Variants in SEC23IP observed in about 807,000 individuals in gnomAD.
SEC23IP encodes SEC23 interacting protein.
In SEC23IP, 70 loss-of-function variants were observed where a neutral mutation model predicts 113.4. That is an observed-to-expected ratio of 0.62 (90% CI 0.51 to 0.75). The LOEUF is 0.75. Among genes scored for constraint, SEC23IP ranks in the 30% least tolerant of loss-of-function variants. The pLI is 0.00. For synonymous variants in SEC23IP, 398 were observed against 421.0 expected (o/e 0.95, Z 0.67); for missense variants, 1,160 against 1,204.9 (o/e 0.96, Z 0.55).
intron 2 of SEC23IP, among the ~76,000 whole-genome samples, chr10:119,901,441 G>C (rs1012284687): frequency 2.0e-5 from 3 of 151,880 alleles, no homozygotes; most frequent in Non-Finnish European, 2.9e-5. Flanking sequence ...GTTTCTGTTA[G>C]ACATTTTGAT....
rs1855130202 is a variant in SEC23IP, at chr10:119,918,520, G to A, written c.1872+9G>A. 3 of 1,488,090 alleles carry A rather than the reference G, an allele frequency of 2.0e-6. No individual in the cohort carries two copies. The highest frequency in any genetic ancestry group is 2.8e-6 in the Non-Finnish European group (3 of 1,066,682). 92.2% of individuals were successfully genotyped at this position (1,488,090 alleles called of 1,614,324 possible). On this transcript the variant is annotated intron_variant, in intron 10 of 18. Transcript: ENST00000369075. ...ATTTTCAGGAAAAGCAGGTACGTCT[G>A]TACGTGGCCAATTAACATTTCGATT...
At chr10:119,906,533 A>G (rs1033737068) in intron 4 of SEC23IP, among the ~76,000 whole-genome samples, 3 of 151,926 alleles carry the variant, frequency 2.0e-5, no homozygotes, top group Non-Finnish European at 4.4e-5. Context: ...GATAATACTT[A>G]CTATAAAGCT....
chr10:119,919,636 T>C, intron 11 of SEC23IP, 40 bp downstream of exon 11: 1 of 1,494,758 alleles, frequency 6.7e-7, no homozygotes, highest in Non-Finnish European at 9.0e-7. Flanking sequence ...TGAAATTGTT[T>C]TTCTTGTGTA....
intron 6 of SEC23IP, 130 bp from the exon 7 acceptor site, chr10:119,914,600 A>C: frequency 1.4e-6 from 1 of 735,308 alleles, no homozygotes; most frequent in Non-Finnish European, 2.4e-6. Context: ...AATGAGGCTT[A>C]TTCTCTTTGA....
In SEC23IP at chr10:119,914,765, G is replaced by GT; in HGVS notation, c.1349dup (p.His451AlafsTer8). 1 of 1,614,128 alleles carries GT rather than the reference G, an allele frequency of 6.2e-7. No homozygotes were observed. Among genetic ancestry groups the GT allele is most frequent in the Non-Finnish European group, 8.5e-7 (1 of 1,180,008 alleles). The stretch of plus-strand genomic sequence containing the variant: ...TCAAGTTGACCATTTGGTGTTTGTG[G>GT]TGCATGGCATTGGACCTGTGTGTGA... On this transcript the variant is annotated frameshift_variant, in exon 7 of 19. Coordinates refer to ENST00000369075, the MANE Select transcript of SEC23IP (RefSeq NM_007190.4). LOFTEE classifies it high-confidence loss of function.
At chr10:119,922,856 G>A (rs1855292165) in intron 12 of SEC23IP, among the ~76,000 whole-genome samples, 1 of 152,102 alleles carries the variant, frequency 6.6e-6, no homozygotes. Flanking sequence ...CCTGTGAGTA[G>A]ATCCCCAGGC....
In SEC23IP at chr10:119,941,240, C is replaced by G. The variant is rs1348783662; in HGVS notation, c.*675C>G. The G allele has an allele frequency of 6.6e-6, 1 of 152,182 alleles. No homozygotes were observed. Among genetic ancestry groups the G allele is most frequent in the Non-Finnish European group, 1.5e-5 (1 of 68,026 alleles). The allele number at this position is 152,182 out of a possible 1,614,324, so 9.4% of individuals were successfully genotyped here. ...TATTTTCAAGAAGTCCTGGGAAGCG[C>G]TCTCCTAGCACGTCCATTTCCAGGA... On this transcript the variant is annotated 3_prime_UTR_variant, in exon 19 of 19. Coordinates refer to ENST00000369075, the MANE Select transcript of SEC23IP (RefSeq NM_007190.4).
At position 119,933,799 on chromosome 10, in the gene SEC23IP, C is replaced by T. The variant is rs1283061942; in HGVS notation, c.*20+12C>T. Reference sequence around the variant, plus strand: ...TTCAGTTTTACTGTGTGAGTTTATCCTTATTGAATGTATAAATTCTGAATG... The same window carrying T: ...TTCAGTTTTACTGTGTGAGTTTATCTTTATTGAATGTATAAATTCTGAATG... On this transcript the variant is annotated intron_variant, in intron 18 of 18. Transcript: ENST00000369075. The T allele has an allele frequency of 8.4e-7, 1 of 1,184,692 alleles. No individual in the cohort carries two copies. Among genetic ancestry groups the T allele is most frequent in the African/African-American group, 1.5e-5 (1 of 66,492 alleles). The allele number at this position is 1,184,692 out of a possible 1,614,324, so 73.4% of individuals were successfully genotyped here.
Position 119,933,035 on chromosome 10 carries a change from C to T in SEC23IP, c.2789C>T (p.Ser930Phe). 1.2e-6 allele frequency: 2 copies of T among 1,613,346 alleles called. No individual in the cohort carries two copies. The highest frequency in any genetic ancestry group is 4.5e-5 in the East Asian group (2 of 44,882). ...AEKVVESPDF[S>F]KDEDYLGKVG... The stretch of plus-strand genomic sequence containing the variant: ...AAGGTTGTTGAAAGTCCAGATTTTT[C>T]CAAGGATGAGGACTACTTAGGAAAG... The change falls in exon 17 of 19, where the codon TCC becomes TTC. Residue 930 changes from serine (S) to phenylalanine (F), a missense_variant. By Grantham distance (155) the Ser-to-Phe change is radical. Coordinates refer to ENST00000369075, the MANE Select transcript of SEC23IP (RefSeq NM_007190.4).
chr10:119,904,487 G>A, intron 4 of SEC23IP: 1 of 544,470 alleles, frequency 1.8e-6, no homozygotes, highest in Non-Finnish European at 3.3e-6. Flanking sequence ...ATGATTTGCA[G>A]AGACACATCA....
chr10:119,904,206 A>T lies in SEC23IP; in HGVS notation c.1030A>T (p.Thr344Ser). ...GGAGCCAGCCGAAGTGAGACGCTGT[A>T]CTTGGTTTTACAAGGGGGACACAGA... The part of the protein sequence containing the change: ...EEEPAEVRRC[T>S]WFYKGDTDSR... Residue 344 changes from threonine to serine, a missense_variant, in exon 4 of 19, where the codon ACT becomes TCT. Coordinates refer to ENST00000369075, the MANE Select transcript of SEC23IP (RefSeq NM_007190.4). The T allele has an allele frequency of 2.5e-6, 4 of 1,614,240 alleles. No individual in the cohort carries two copies. Among genetic ancestry groups the T allele is most frequent in the Non-Finnish European group, 3.4e-6 (4 of 1,180,036 alleles).
chr10:119,937,660 A>G (rs1212200752), intron 18 of SEC23IP, among the ~76,000 whole-genome samples: 3 of 151,496 alleles, frequency 2.0e-5, no homozygotes, highest in Admixed American at 6.6e-5. Flanking sequence ...AACATAGCCC[A>G]GTCTTTTATG....
rs1319252113 is a variant in SEC23IP, at chr10:119,912,050, G to T, written c.1198G>T (p.Val400Phe). The change falls in exon 6 of 19, where the codon GTT becomes TTT. Residue 400 changes from valine (V) to phenylalanine (F), a missense_variant. Coordinates refer to ENST00000369075, the MANE Select transcript of SEC23IP (RefSeq NM_007190.4). The stretch of plus-strand genomic sequence containing the variant: ...ATTCTGTTGCATCTTGAAGGTTATT[G>T]TTCAGTTCCAGCCCTCCTCAGTGCC... ...TIVMHNPKVI[V>F]QFQPSSVPDE... is the part of the protein sequence containing the mutation. 3.7e-6 allele frequency: 6 copies of T among 1,613,872 alleles called. No homozygotes were observed. Among genetic ancestry groups the T allele is most frequent in the Non-Finnish European group, 5.1e-6 (6 of 1,179,970 alleles).
At position 119,909,355 on chromosome 10, in the gene SEC23IP, G is replaced by A. The variant is rs538956380; in HGVS notation, c.1191+225G>A. 6.6e-5 allele frequency among the ~76,000 whole-genome samples: 10 copies of A among 152,272 alleles called. No homozygotes were observed. In the East Asian group the frequency reaches 1.9e-3, roughly 29 times the overall value. On this transcript the variant is annotated intron_variant, in intron 5 of 18. Transcript: ENST00000369075. The stretch of plus-strand genomic sequence containing the variant: ...ACACAAATTTTTCGTAGGGCGAGGT[G>A]CACACCTGTGAGAGGCTGAGACAGG...
chr10:119,921,531 T>C (rs7080170), intron 12 of SEC23IP, among the ~76,000 whole-genome samples: 16,453 of 152,246 alleles, frequency 0.11, 944 homozygotes, highest in South Asian at 0.17. Flanking sequence ...AAGCATGAAA[T>C]AATGCATGCA....
At chr10:119,936,998 T>G (rs1855811019) in intron 18 of SEC23IP, among the ~76,000 whole-genome samples, 1 of 151,842 alleles carries the variant, frequency 6.6e-6, no homozygotes, top group African/African-American at 2.4e-5. Context: ...TGCCATTCTC[T>G]TGCCTTAGCC....
chr10:119,899,743 T>A (rs1230369403), intron 2 of SEC23IP, among the ~76,000 whole-genome samples: 1 of 152,170 alleles, frequency 6.6e-6, no homozygotes, highest in Non-Finnish European at 1.5e-5. Flanking sequence ...TAGTTAGTAT[T>A]TTTGCTAACT....
At chr10:119,938,494 A>G (rs1855867413) in intron 18 of SEC23IP, among the ~76,000 whole-genome samples, 1 of 151,788 alleles carries the variant, frequency 6.6e-6, no homozygotes, top group Admixed American at 6.6e-5. Context: ...CTCCTTTGAG[A>G]CTCCCTTTCT....
chr10:119,901,854 T>G (rs1270731486), intron 2 of SEC23IP, among the ~76,000 whole-genome samples: 1 of 151,974 alleles, frequency 6.6e-6, no homozygotes, highest in Non-Finnish European at 1.5e-5. Flanking sequence ...GCCCAGCTAA[T>G]TTTTGTATTT....
Sources: allele counts gnomAD v4.1 joint callset (sites outside exome capture counted in the v4.1 genomes callset), GRCh38; gene constraint gnomAD v4.1.1; transcripts MANE v1.5; gene names NCBI Gene and HGNC (gene_info 2026-07-23, HGNC 2026-07-21).